DAB1: variants seen among roughly 807,000 people sequenced by gnomAD.
DAB1 encodes the protein DAB adaptor protein 1, also known as disabled homolog 1.
In DAB1, 15 loss-of-function variants were observed where a neutral mutation model predicts 64.6. That is an observed-to-expected ratio of 0.23 (90% CI 0.16 to 0.36). The LOEUF (loss-of-function observed/expected upper bound fraction) is 0.36, where lower values mean the gene tolerates loss of function less well. DAB1 is among the 10% of genes least tolerant of loss of function. The pLI, the probability that DAB1 is intolerant of heterozygous loss-of-function variation, is 1.00. For missense variants in DAB1, 596 were observed against 706.7 expected (o/e 0.84, Z 1.78); for synonymous variants, 235 against 251.9 (o/e 0.93, Z 0.64).
intron 4 of DAB1, among the ~76,000 whole-genome samples, chr1:58,220,740 A>G (rs1163085957): frequency 1.3e-5 from 2 of 152,092 alleles, no homozygotes; most frequent in South Asian, 2.1e-4. Flanking sequence ...CTTATTATAG[A>G]GTTTCTGGGA....
intron 4 of DAB1, among the ~76,000 whole-genome samples, chr1:58,251,895 A>G (rs1244500116): frequency 6.6e-6 from 1 of 152,102 alleles, no homozygotes; most frequent in African/African-American, 2.4e-5. Context: ...ACAGTGCTGA[A>G]TAAAAGTCCC....
intron 2 of DAB1, among the ~76,000 whole-genome samples, chr1:57,273,004 G>A (rs1671135937): frequency 6.6e-6 from 1 of 152,164 alleles, no homozygotes; most frequent in African/African-American, 2.4e-5. Context: ...TGCAAACTAT[G>A]AAAGGTCAAA....
rs1453419267 is a variant in DAB1, at chr1:58,385,274, A to G, written n.258-41871T>C. 2.0e-5 allele frequency among the ~76,000 whole-genome samples: 3 copies of G among 152,336 alleles called. No individual in the cohort carries two copies. The South Asian group carries it at 6.2e-4, about 32-fold the overall frequency. ...ACCCATTATGCCTCAACAAAGCTAAAGAGAAATTAATCCTCTCCTTTTATG... is the reference window on the plus strand; with the variant it reads ...ACCCATTATGCCTCAACAAAGCTAAGGAGAAATTAATCCTCTCCTTTTATG... On this transcript the variant is annotated intron_variant and non_coding_transcript_variant, in intron 3 of 20. Coordinates refer to the DAB1 transcript ENST00000485760.
chr1:57,987,939 C>G (rs1238851410), intron 5 of DAB1, among the ~76,000 whole-genome samples: 1 of 151,690 alleles, frequency 6.6e-6, no homozygotes, highest in East Asian at 1.9e-4. Flanking sequence ...CGATCGCATG[C>G]CTGGAGCATC....
At chr1:57,569,222 G>A (rs1463685418) in intron 7 of DAB1, among the ~76,000 whole-genome samples, 2 of 121,394 alleles carry the variant, frequency 1.6e-5, no homozygotes, top group Non-Finnish European at 3.2e-5. Flanking sequence ...TTGCGCCACT[G>A]CACTCCAGCC....
At chr1:58,387,683 C>T (rs1344373481) in intron 3 of DAB1, among the ~76,000 whole-genome samples, 4 of 150,138 alleles carry the variant, frequency 2.7e-5, no homozygotes, top group Admixed American at 6.6e-5. Flanking sequence ...GGTTATTTGA[C>T]GAGATTTCTA....
intron 5 of DAB1, among the ~76,000 whole-genome samples, chr1:57,998,200 T>C (rs1646455518): frequency 6.6e-6 from 1 of 152,154 alleles, no homozygotes; most frequent in African/African-American, 2.4e-5. Context: ...ATAGTCTGGG[T>C]CTGTATCTCG....
At chr1:57,773,536 C>A (rs1012198648) in intron 6 of DAB1, among the ~76,000 whole-genome samples, 3 of 151,890 alleles carry the variant, frequency 2.0e-5, no homozygotes, top group African/African-American at 7.2e-5. Flanking sequence ...ATGTATTTTT[C>A]ATGTTATGTT....
intron 6 of DAB1, among the ~76,000 whole-genome samples, chr1:57,820,265 A>G (rs1652057619): frequency 6.6e-6 from 1 of 152,224 alleles, no homozygotes; most frequent in Non-Finnish European, 1.5e-5. Flanking sequence ...GCATTTCACC[A>G]TCTTAAAAAC....
chr1:57,775,358 AAAGTT>A (rs1649748094), intron 6 of DAB1, among the ~76,000 whole-genome samples: 1 of 151,610 alleles, frequency 6.6e-6, no homozygotes, highest in African/African-American at 2.4e-5. Flanking sequence ...AGTTAATAAT[AAAGTT>A]AACTGACTTT....
intron 5 of DAB1, among the ~76,000 whole-genome samples, chr1:57,943,135 T>C (rs760831097): frequency 1.3e-5 from 2 of 152,110 alleles, no homozygotes; most frequent in Non-Finnish European, 2.9e-5. Flanking sequence ...GGGACCAACA[T>C]GAAAACCTGC....
intron 1 of DAB1, among the ~76,000 whole-genome samples, chr1:57,355,079 A>C (rs1052633891): frequency 3.3e-5 from 5 of 152,102 alleles, no homozygotes; most frequent in Non-Finnish European, 7.4e-5. Flanking sequence ...GGATGAAACA[A>C]CTACACGTTC....
chr1:57,900,320 G>A (rs1644455346), intron 5 of DAB1, among the ~76,000 whole-genome samples: 1 of 152,160 alleles, frequency 6.6e-6, no homozygotes, highest in African/African-American at 2.4e-5. Flanking sequence ...GGGGTATTGG[G>A]TGGACCCAGG....
chr1:58,050,603 C>T (rs1334032060), intron 5 of DAB1, among the ~76,000 whole-genome samples: 3 of 152,120 alleles, frequency 2.0e-5, no homozygotes, highest in Non-Finnish European at 1.5e-5. Context: ...AATCTCGGCT[C>T]ACTGCAAGCT....
At chr1:58,006,427 T>C (rs1646584275) in intron 5 of DAB1, among the ~76,000 whole-genome samples, 1 of 152,190 alleles carries the variant, frequency 6.6e-6, no homozygotes, top group Non-Finnish European at 1.5e-5. Context: ...CTCTTCCCAG[T>C]ATTAGTAATA....
chr1:57,198,689 A>C lies in DAB1; in HGVS notation c.68-53260T>G, dbSNP rs72672689. Among the ~76,000 whole-genome samples, 624 of 148,214 alleles carry C rather than the reference A, an allele frequency of 4.2e-3. 4 individuals carry two copies. Among genetic ancestry groups the C allele is most frequent in the African/African-American group, 0.012 (464 of 40,116 alleles). Reference sequence around the variant, plus strand: ...CACACACACACACACACACACACACACCCATCAACTTTTCCTGGGAGAGTA... The same window carrying C: ...CACACACACACACACACACACACACCCCCATCAACTTTTCCTGGGAGAGTA... On this transcript the variant is annotated intron_variant, in intron 2 of 14. Transcript: ENST00000371236.
intron 4 of DAB1, among the ~76,000 whole-genome samples, chr1:57,081,017 T>C (rs1652477329): frequency 6.6e-6 from 1 of 152,176 alleles, no homozygotes; most frequent in Non-Finnish European, 1.5e-5. Context: ...TGGCACTACA[T>C]GTGCATATAT....
intron 5 of DAB1, among the ~76,000 whole-genome samples, chr1:57,984,686 T>C (rs1646168372): frequency 6.6e-6 from 1 of 152,234 alleles, no homozygotes. Flanking sequence ...ACAGATTCTG[T>C]GAAAGCATAA....
At chr1:58,465,165 T>C (rs1569835656) in intron 3 of DAB1, among the ~76,000 whole-genome samples, 1 of 152,198 alleles carries the variant, frequency 6.6e-6, no homozygotes, top group African/African-American at 2.4e-5. Flanking sequence ...GAGACTCGCA[T>C]GACAAGCTGT....
Sources: gnomAD v4.1 joint callset for allele counts (sites outside exome capture counted in the v4.1 genomes callset) on GRCh38, gnomAD v4.1.1 for gene constraint, MANE v1.5 for transcripts, NCBI Gene and HGNC (gene_info 2026-07-23, HGNC 2026-07-21) for gene names.